Variants in FSTL5 observed in about 807,000 individuals in gnomAD.
The protein encoded by FSTL5 is follistatin like 5.
FSTL5 carries 62 observed loss-of-function variants against 89.1 expected under a neutral mutation model. The ratio of observed to expected loss-of-function variants is 0.70; its 90% CI spans 0.57 to 0.86. FSTL5 has a LOEUF of 0.86. Ranked by LOEUF, FSTL5 falls within the 40% of genes least tolerant of loss-of-function variation. FSTL5 has a pLI of 0.00. For missense variants in FSTL5, 1,057 were observed against 1,001.6 expected (o/e 1.06, Z -0.75); for synonymous variants, 383 against 346.2 (o/e 1.11, Z -1.18).
chr4:162,157,186 T>TA (rs1309308614), intron 1 of FSTL5, among the ~76,000 whole-genome samples: 1 of 152,010 alleles, frequency 6.6e-6, no homozygotes, highest in Non-Finnish European at 1.5e-5. Context: ...AGCTACATGA[T>TA]AAAGTGAGGG....
At chr4:161,931,909 C>T (rs1301006347) in intron 3 of FSTL5, among the ~76,000 whole-genome samples, 1 of 151,792 alleles carries the variant, frequency 6.6e-6, no homozygotes, top group East Asian at 1.9e-4. Context: ...GGCATCACTC[C>T]CAATGGTACA....
At chr4:162,114,373 G>T (rs1159843550) in intron 1 of FSTL5, among the ~76,000 whole-genome samples, 1 of 152,142 alleles carries the variant, frequency 6.6e-6, no homozygotes, top group African/African-American at 2.4e-5. Flanking sequence ...TCCACGAGGA[G>T]AGTCAAGAAA....
chr4:161,564,707 C>A (rs1037685485), intron 8 of FSTL5, among the ~76,000 whole-genome samples: 2 of 151,178 alleles, frequency 1.3e-5, no homozygotes, highest in Non-Finnish European at 3.0e-5. Context: ...TAGATACTTC[C>A]AAAGACATAA....
chr4:161,695,079 C>T (rs1049555230), intron 6 of FSTL5, among the ~76,000 whole-genome samples: 2 of 151,606 alleles, frequency 1.3e-5, no homozygotes, highest in Admixed American at 6.6e-5. Flanking sequence ...TTTCCATAGG[C>T]TATCGGGGAA....
At chr4:161,795,706 A>G (rs1729613057) in intron 4 of FSTL5, among the ~76,000 whole-genome samples, 1 of 152,048 alleles carries the variant, frequency 6.6e-6, no homozygotes, top group African/African-American at 2.4e-5. Context: ...CTATTTGTTG[A>G]AGAGAGTATT....
chr4:161,662,367 G>A (rs1736746593), intron 6 of FSTL5, among the ~76,000 whole-genome samples: 2 of 151,994 alleles, frequency 1.3e-5, no homozygotes, highest in South Asian at 2.1e-4. Context: ...AATCCAATAA[G>A]ATTGTAAGAT....
At chr4:161,850,727 A>G (rs1731522494) in intron 4 of FSTL5, among the ~76,000 whole-genome samples, 1 of 152,190 alleles carries the variant, frequency 6.6e-6, no homozygotes, top group Non-Finnish European at 1.5e-5. Context: ...ATAAAAGAAA[A>G]AATATTTTCG....
intron 4 of FSTL5, among the ~76,000 whole-genome samples, chr4:161,848,400 A>G (rs549576238): frequency 6.6e-6 from 1 of 152,126 alleles, no homozygotes; most frequent in Non-Finnish European, 1.5e-5. Context: ...TTCTAAACTA[A>G]TAGTCTCCTA....
chr4:161,670,239 A>G (rs1197242639), intron 6 of FSTL5, among the ~76,000 whole-genome samples: 1 of 152,198 alleles, frequency 6.6e-6, no homozygotes, highest in East Asian at 1.9e-4. Flanking sequence ...GCGAATTTTC[A>G]TTTGTCAGAC....
chr4:161,412,257 T>C (rs1311502840), intron 15 of FSTL5, among the ~76,000 whole-genome samples: 1 of 152,136 alleles, frequency 6.6e-6, no homozygotes, highest in Non-Finnish European at 1.5e-5. Context: ...AAAATGGACT[T>C]ACTACCCAAA....
At chr4:161,476,173 G>T (rs1253093326) in intron 13 of FSTL5, among the ~76,000 whole-genome samples, 8 of 80,464 alleles carry the variant, frequency 9.9e-5, no homozygotes, top group South Asian at 1.0e-3. Context: ...AAGTTTGCTG[G>T]TTTTTTTTTT....
chr4:162,145,160 G>A (rs1245222203), intron 1 of FSTL5, among the ~76,000 whole-genome samples: 1 of 150,332 alleles, frequency 6.7e-6, no homozygotes, highest in African/African-American at 2.5e-5. Context: ...ATCTCTATAG[G>A]CATGCATATT....
At chr4:161,797,847 A>T (rs1285048322) in intron 4 of FSTL5, among the ~76,000 whole-genome samples, 2 of 151,716 alleles carry the variant, frequency 1.3e-5, no homozygotes, top group East Asian at 3.8e-4. Context: ...GAATTAAAAT[A>T]TGTGAAAGAA....
chr4:161,563,759 C>T (rs1348115731), intron 8 of FSTL5, among the ~76,000 whole-genome samples: 1 of 151,932 alleles, frequency 6.6e-6, no homozygotes, highest in Non-Finnish European at 1.5e-5. Context: ...TTGTTCTTGT[C>T]AGTTATACTA....
At chr4:161,702,008 A>G (rs1347841516) in intron 6 of FSTL5, among the ~76,000 whole-genome samples, 1 of 152,084 alleles carries the variant, frequency 6.6e-6, no homozygotes, top group East Asian at 1.9e-4. Context: ...CTTATTATGT[A>G]CTTATTTAGT....
At chr4:161,908,648 T>G (rs999895521) in intron 4 of FSTL5, among the ~76,000 whole-genome samples, 37 of 152,106 alleles carry the variant, frequency 2.4e-4, no homozygotes, top group African/African-American at 8.0e-4. Context: ...ATTGGAAGCC[T>G]GATGGATTAA....
chr4:161,615,789 TTC>T (rs771374583), intron 7 of FSTL5, among the ~76,000 whole-genome samples: 3 of 152,138 alleles, frequency 2.0e-5, no homozygotes, highest in Non-Finnish European at 4.4e-5. Flanking sequence ...TGCACAAGTA[TTC>T]TTCATTATTC....
At chr4:162,121,764 C>T (rs574214264) in intron 1 of FSTL5, among the ~76,000 whole-genome samples, 19 of 151,938 alleles carry the variant, frequency 1.3e-4, no homozygotes, top group African/African-American at 1.9e-4. Flanking sequence ...GTGAATTGCA[C>T]GGTTCCATTT....
intron 3 of FSTL5, among the ~76,000 whole-genome samples, chr4:161,960,820 A>T (rs1338690492): frequency 6.6e-6 from 1 of 152,054 alleles, no homozygotes; most frequent in Non-Finnish European, 1.5e-5. Context: ...CTTTAAAATA[A>T]TAATTACCTC....
Sources: allele counts gnomAD v4.1 joint callset (sites outside exome capture counted in the v4.1 genomes callset), GRCh38; gene constraint gnomAD v4.1.1; transcripts MANE v1.5; gene names NCBI Gene and HGNC (gene_info 2026-07-23, HGNC 2026-07-21).